Variants in NUP35 observed in about 807,000 individuals in gnomAD.
The protein encoded by NUP35 is nucleoporin 35.
Under a neutral mutation model 41.5 loss-of-function variants are expected in NUP35, and 25 were observed. That is an observed-to-expected ratio of 0.60 (90% CI 0.44 to 0.84). NUP35 has a LOEUF of 0.84. Among genes scored for constraint, NUP35 ranks in the 40% least tolerant of loss-of-function variants. The pLI, the probability that NUP35 is intolerant of heterozygous loss-of-function variation, is 0.00. For synonymous variants in NUP35, 149 were observed against 130.7 expected (o/e 1.14, Z -0.96); for missense variants, 396 against 396.6 (o/e 1.00, Z 0.01).
chr2:183,150,270 G>A (rs1462264483), intron 4 of NUP35, among the ~76,000 whole-genome samples: 1 of 152,186 alleles, frequency 6.6e-6, no homozygotes, highest in Non-Finnish European at 1.5e-5. Flanking sequence ...AGATTTTTCT[G>A]TTGGTTTTCT....
At chr2:183,126,295 C>T (rs1352168592) in intron 1 of NUP35, among the ~76,000 whole-genome samples, 1 of 152,230 alleles carries the variant, frequency 6.6e-6, no homozygotes, top group Non-Finnish European at 1.5e-5. Context: ...TCCCAAAATC[C>T]TGGGATTAGA....
intron 4 of NUP35, among the ~76,000 whole-genome samples, chr2:183,142,952 C>T (rs536114496): frequency 1.8e-4 from 28 of 151,726 alleles, no homozygotes; most frequent in Admixed American, 6.6e-4. Context: ...ATCAGGAGAT[C>T]GAGACCGTCC....
chr2:183,160,989 A>G, intron 8 of NUP35, 65 bp from the exon 9 acceptor site: 1 of 1,205,578 alleles, frequency 8.3e-7, no homozygotes, highest in Non-Finnish European at 1.2e-6. Flanking sequence ...GAGCAATTCT[A>G]GAATTGCCTA....
intron 1 of NUP35, among the ~76,000 whole-genome samples, chr2:183,119,131 G>C (rs935849069): frequency 4.6e-5 from 7 of 152,088 alleles, no homozygotes; most frequent in African/African-American, 1.7e-4. Flanking sequence ...CCAGTTTTAG[G>C]TGTTTCTATC....
In NUP35 at chr2:183,128,353, C is replaced by T; in HGVS notation, c.107C>T (p.Pro36Leu). ...PKPGVNAQFL[P>L]GFLMGDLPAP... ...CCAGGAGTTAATGCCCAGTTCTTACCTGGATTTTTAATGGGGGATTTGCCA... is the reference window on the plus strand; with the variant it reads ...CCAGGAGTTAATGCCCAGTTCTTACTTGGATTTTTAATGGGGGATTTGCCA... Residue 36 changes from proline (P) to leucine (L), a missense_variant, in exon 2 of 9, where the codon CCT becomes CTT. Coordinates refer to ENST00000295119, the MANE Select transcript of NUP35 (RefSeq NM_138285.5). 2 of 1,613,948 alleles carry T rather than the reference C, an allele frequency of 1.2e-6. No individual in the cohort carries two copies. The highest frequency in any genetic ancestry group is 1.7e-6 in the Non-Finnish European group (2 of 1,179,942).
At chr2:183,147,169 G>T (rs571043505) in intron 4 of NUP35, among the ~76,000 whole-genome samples, 1 of 152,146 alleles carries the variant, frequency 6.6e-6, no homozygotes, top group Admixed American at 6.5e-5. Flanking sequence ...TTATTCTTTT[G>T]ATAGTTTCTT....
intron 4 of NUP35, among the ~76,000 whole-genome samples, chr2:183,138,039 T>C (rs1166821040): frequency 6.6e-6 from 1 of 151,864 alleles, no homozygotes; most frequent in Non-Finnish European, 1.5e-5. Context: ...CTATCATGAA[T>C]TGGCCACTGG....
intron 4 of NUP35, among the ~76,000 whole-genome samples, chr2:183,141,445 G>A (rs527912797): frequency 6.6e-6 from 1 of 152,146 alleles, no homozygotes; most frequent in Admixed American, 6.5e-5. Context: ...TTAATTTTCA[G>A]TTTTTAATTT....
At chr2:183,143,658 G>A (rs1268125579) in intron 4 of NUP35, among the ~76,000 whole-genome samples, 1 of 152,164 alleles carries the variant, frequency 6.6e-6, no homozygotes, top group East Asian at 1.9e-4. Context: ...GGGAAAGTGA[G>A]AGTTATCTAG....
intron 5 of NUP35, among the ~76,000 whole-genome samples, chr2:183,154,583 T>A (rs567216165): frequency 1.3e-4 from 20 of 152,252 alleles, no homozygotes; most frequent in African/African-American, 4.8e-4. Flanking sequence ...GCCAACAAGT[T>A]CCTCATCTCC....
chr2:183,153,182 A>T (rs1234267391), intron 5 of NUP35, among the ~76,000 whole-genome samples: 1 of 152,154 alleles, frequency 6.6e-6, no homozygotes, highest in Admixed American at 6.5e-5. Context: ...CCCACAACAC[A>T]TGGGAATTCC....
intron 1 of NUP35, among the ~76,000 whole-genome samples, chr2:183,127,385 T>C (rs1421389476): frequency 1.3e-5 from 2 of 152,136 alleles, no homozygotes; most frequent in Non-Finnish European, 2.9e-5. Context: ...CCCAAAGTGC[T>C]AGGATTGCAG....
chr2:183,145,452 G>A (rs1376361575), intron 4 of NUP35, among the ~76,000 whole-genome samples: 2 of 152,122 alleles, frequency 1.3e-5, no homozygotes, highest in African/African-American at 2.4e-5. Flanking sequence ...ACAGATTTGG[G>A]ATACTCAGCC....
At chr2:183,156,478 T>C (rs1685670796) in intron 5 of NUP35, among the ~76,000 whole-genome samples, 1 of 152,186 alleles carries the variant, frequency 6.6e-6, no homozygotes, top group African/African-American at 2.4e-5. Flanking sequence ...TAGCTGGGAT[T>C]ACAGGTGCCC....
chr2:183,118,503 T>C (rs995325254), intron 1 of NUP35: 1 of 152,214 alleles, frequency 6.6e-6, no homozygotes, highest in African/African-American at 2.4e-5. Context: ...ACATGCAAAA[T>C]TGCATTAAAT....
At position 183,138,269 on chromosome 2, in the gene NUP35, A is replaced by AT. The variant is rs147315571; in HGVS notation, c.397+4661dup. 1.1e-3 allele frequency among the ~76,000 whole-genome samples: 87 copies of AT among 80,696 alleles called. 1 individual carries two copies. Among genetic ancestry groups the AT allele is most frequent in the African/African-American group, 3.2e-3 (52 of 16,174 alleles). 52.9% of individuals were successfully genotyped at this position (80,696 alleles called of 152,430 possible). A position where few individuals can be genotyped will look rare whatever the true frequency, so the allele number is the denominator to read the frequency against. On this transcript the variant is annotated intron_variant, in intron 4 of 8. Coordinates refer to ENST00000295119, the MANE Select transcript of NUP35 (RefSeq NM_138285.5). ...GCTATATATATATATATATATATAT[A>AT]TTTTTTTTTTTTTTTAGCTCCTGTA...
chr2:183,129,611 A>G (rs1559142754), intron 2 of NUP35, among the ~76,000 whole-genome samples: 1 of 152,246 alleles, frequency 6.6e-6, no homozygotes, highest in Non-Finnish European at 1.5e-5. Flanking sequence ...TATGCTAATC[A>G]TTATTTTGTC....
intron 4 of NUP35, among the ~76,000 whole-genome samples, chr2:183,138,269 A>ATATATATATATATTTTTTTTT: frequency 5.0e-5 from 4 of 80,686 alleles, no homozygotes; most frequent in South Asian, 4.8e-4. Flanking sequence ...ATATATATAT[A>ATATATATATATATTTTTTTTT]TTTTTTTTTT....
chr2:183,133,944 T>G (rs1251660745), intron 4 of NUP35, among the ~76,000 whole-genome samples: 3 of 152,206 alleles, frequency 2.0e-5, no homozygotes, highest in Non-Finnish European at 4.4e-5. Context: ...AATTGTATAC[T>G]TAATAGATGT....
Sources: gnomAD v4.1 joint callset for allele counts (sites outside exome capture counted in the v4.1 genomes callset) on GRCh38, gnomAD v4.1.1 for gene constraint, MANE v1.5 for transcripts, NCBI Gene and HGNC (gene_info 2026-07-23, HGNC 2026-07-21) for gene names.